Variants in PATJ observed in about 807,000 individuals in gnomAD.
The protein encoded by PATJ is inaD-like protein.
In PATJ, 190 loss-of-function variants were observed where a neutral mutation model predicts 224.9. The ratio of observed to expected loss-of-function variants is 0.84; its 90% CI spans 0.75 to 0.95. PATJ has a LOEUF of 0.95. Ranked by LOEUF, PATJ falls within the 40% of genes least tolerant of loss-of-function variation. The pLI, the probability that PATJ is intolerant of heterozygous loss-of-function variation, is 0.00. For synonymous variants in PATJ, 769 were observed against 820.3 expected, an observed-to-expected ratio of 0.94 and a Z score of 1.07; for missense variants, 2,121 against 2,270.3, an observed-to-expected ratio of 0.93 and a Z score of 1.34.
chr1:62,013,708 TGG>T, intron 28 of PATJ, among the ~76,000 whole-genome samples: 1 of 152,196 alleles, frequency 6.6e-6, no homozygotes, highest in South Asian at 2.1e-4. Flanking sequence ...CTGAACACAG[TGG>T]GGAAGACATA....
In PATJ at chr1:61,914,644, AC is replaced by A; in HGVS notation, c.3553del (p.Gln1185LysfsTer15). The A allele has an allele frequency of 6.3e-7, 1 of 1,577,816 alleles. No individual in the cohort carries two copies. Among genetic ancestry groups the A allele is most frequent in the Non-Finnish European group, 8.7e-7 (1 of 1,147,750 alleles). On this transcript the variant is annotated frameshift_variant, in exon 26 of 44. Transcript: ENST00000642238. LOFTEE classifies it high-confidence loss of function. ...AATCACCGGTAACCAGAACCAGGAC[AC>A]CCAAGAAAAGAAAGAAAAGGTAACT... ...NKITGNQNQDTQEKKEKRQGT... is the reference protein window; with the variant it reads ...NKITGNQNQDXQEKKEKRQGT...
chr1:61,916,224 T>C (rs1419541330), intron 26 of PATJ, among the ~76,000 whole-genome samples: 1 of 152,128 alleles, frequency 6.6e-6, no homozygotes. Context: ...AAAATAAAAA[T>C]ATAAACCTAC....
intron 22 of PATJ, among the ~76,000 whole-genome samples, chr1:61,897,016 C>G (rs1670470474): frequency 6.6e-6 from 1 of 151,824 alleles, no homozygotes; most frequent in Non-Finnish European, 1.5e-5. Flanking sequence ...ATTGAGATAG[C>G]AGATAAATTA....
At chr1:61,826,276 C>G (rs1468543182) in intron 15 of PATJ, among the ~76,000 whole-genome samples, 1 of 151,948 alleles carries the variant, frequency 6.6e-6, no homozygotes, top group Non-Finnish European at 1.5e-5. Flanking sequence ...TCCAGCAACC[C>G]AGTGTCCTCT....
At chr1:61,796,741 T>TTTC (rs373367263) in intron 10 of PATJ, among the ~76,000 whole-genome samples, 460 of 45,738 alleles carry the variant, frequency 0.01, 2 homozygotes, top group African/African-American at 0.023. Context: ...TCTTTCTTTC[T>TTTC]TTTTTTTCTT....
rs111482881 is a variant in PATJ, at chr1:61,815,081, G to A, written c.1683+6551G>A. On this transcript the variant is annotated intron_variant, in intron 14 of 43. Coordinates refer to ENST00000642238, the MANE Select transcript of PATJ (RefSeq NM_001350145.3). ...ATAGTTGTAGATTGTAAGAAGTGCTGCAAATGAATAAACAGTAAATTGAGC... is the reference window on the plus strand; with the variant it reads ...ATAGTTGTAGATTGTAAGAAGTGCTACAAATGAATAAACAGTAAATTGAGC... 2.6e-3 allele frequency among the ~76,000 whole-genome samples: 399 copies of A among 152,298 alleles called. 4 individuals are homozygous for A. The highest frequency in any genetic ancestry group is 9.0e-3 in the African/African-American group (374 of 41,566).
chr1:62,126,817 AAGG>A (rs1463630928), intron 39 of PATJ, among the ~76,000 whole-genome samples: 1 of 151,796 alleles, frequency 6.6e-6, no homozygotes, highest in African/African-American at 2.4e-5. Context: ...CCACTAAACT[AAGG>A]AGCTGCATAG....
chr1:62,155,938 G>A (rs1206684783), intron 43 of PATJ, among the ~76,000 whole-genome samples: 1 of 149,254 alleles, frequency 6.7e-6, no homozygotes, highest in Non-Finnish European at 1.5e-5. Flanking sequence ...GGCGCCTGTA[G>A]TCCCAGCTAC....
chr1:61,834,661 A>G (rs1483192917), intron 17 of PATJ, among the ~76,000 whole-genome samples: 1 of 152,256 alleles, frequency 6.6e-6, no homozygotes, highest in Non-Finnish European at 1.5e-5. Flanking sequence ...GTGATATTTA[A>G]AAATCAATTC....
intron 27 of PATJ, among the ~76,000 whole-genome samples, chr1:61,952,670 C>G (rs1320127208): frequency 1.3e-5 from 2 of 152,210 alleles, no homozygotes; most frequent in Non-Finnish European, 2.9e-5. Flanking sequence ...TTTAATCAGA[C>G]TGTCAAAGAT....
chr1:62,068,781 C>T (rs1040195078), intron 31 of PATJ, among the ~76,000 whole-genome samples: 94 of 152,336 alleles, frequency 6.2e-4, no homozygotes, highest in African/African-American at 2.2e-3. Flanking sequence ...GCCCACAAAG[C>T]ATTTTCTTTC....
chr1:61,931,069 C>T lies in PATJ; in HGVS notation c.3670+3240C>T, dbSNP rs147785248. 3.1e-4 allele frequency among the ~76,000 whole-genome samples: 47 copies of T among 152,252 alleles called. 1 individual carries two copies. In the East Asian group the frequency reaches 8.3e-3, roughly 27 times the overall value. ...TTGCCCAGTCTGGTCTCAAACTCCT[C>T]GGCTCAAACTATCCTTCCCAAAGTG... is the stretch of plus-strand genomic sequence containing the variant. On this transcript the variant is annotated intron_variant, in intron 27 of 43. Transcript: ENST00000642238.
Position 62,115,339 on chromosome 1 carries a change from A to T in PATJ, c.4655+1093A>T, listed in dbSNP as rs1310390202. ...AATAAATAAATAAATAAAAAGAGGTATATGTTGCCTAGGCCAGGCATAGTG... is the reference window on the plus strand; with the variant it reads ...AATAAATAAATAAATAAAAAGAGGTTTATGTTGCCTAGGCCAGGCATAGTG... On this transcript the variant is annotated intron_variant, in intron 35 of 43. Coordinates refer to ENST00000642238, the MANE Select transcript of PATJ (RefSeq NM_001350145.3). Among the ~76,000 whole-genome samples, 6 of 152,052 alleles carry T rather than the reference A, an allele frequency of 3.9e-5. No homozygotes were observed. In the East Asian group the frequency reaches 1.2e-3, roughly 29 times the overall value.
chr1:62,161,174 C>A lies in PATJ; in HGVS notation c.*120C>A. ...TGCACCTTCATTCTTATTTCTTGCC[C>A]TCTCTGCTCAGGAGAAATGGCTGAG... On this transcript the variant is annotated 3_prime_UTR_variant, in exon 44 of 44. Transcript: ENST00000642238. The A allele has an allele frequency of 1.3e-6, 1 of 745,920 alleles. No homozygotes were observed. Among genetic ancestry groups the A allele is most frequent in the Non-Finnish European group, 1.9e-6 (1 of 521,792 alleles). 46.2% of individuals were successfully genotyped at this position (745,920 alleles called of 1,614,324 possible).
rs1403318371 is a variant in PATJ at position 62,084,544 on chromosome 1, C to A, written c.4273C>A (p.Pro1425Thr). 1 of 1,612,754 alleles carries A rather than the reference C, an allele frequency of 6.2e-7. No individual in the cohort carries two copies. Among genetic ancestry groups the A allele is most frequent in the Non-Finnish European group, 8.5e-7 (1 of 1,179,570 alleles). The change falls in exon 33 of 44, where the codon CCC becomes ACC. Residue 1425 changes from proline (P) to threonine (T), a missense_variant. By Grantham distance (38) the Pro-to-Thr change is conservative (BLOSUM62 -1). Coordinates refer to ENST00000642238, the MANE Select transcript of PATJ (RefSeq NM_001350145.3). ...TTTCCAGGCTCCTCTGTCAGTGGAC[C>A]CCGCAACGTGTCCCATTGTCCCTGG... ...GGFQAPLSVD[P>T]ATCPIVPGQE...
chr1:61,878,064 G>A (rs185017839), intron 21 of PATJ, among the ~76,000 whole-genome samples: 8 of 152,342 alleles, frequency 5.3e-5, no homozygotes, highest in African/African-American at 1.9e-4. Context: ...TTTGTGTGGA[G>A]CAATTCATGA....
intron 18 of PATJ, among the ~76,000 whole-genome samples, chr1:61,861,083 G>C (rs1402644155): frequency 2.0e-5 from 3 of 150,920 alleles, no homozygotes; most frequent in South Asian, 4.2e-4. Flanking sequence ...ATATATACAA[G>C]GTCTATTCCT....
intron 31 of PATJ, among the ~76,000 whole-genome samples, chr1:62,060,619 G>C (rs1295242005): frequency 6.6e-6 from 1 of 152,112 alleles, no homozygotes; most frequent in Non-Finnish European, 1.5e-5. Flanking sequence ...GTGAAAATAG[G>C]GTGGTGGTAG....
chr1:61,947,109 T>C lies in PATJ; in HGVS notation c.3670+19280T>C, dbSNP rs1678852393. On this transcript the variant is annotated intron_variant, in intron 27 of 43. Transcript: ENST00000642238. ...ATTTATGACAAACCCACAGCCAACA[T>C]CGTACTGAATGGGCAAAAACTGGAA... Among the ~76,000 whole-genome samples the C allele has an allele frequency of 1.3e-5, 2 of 152,236 alleles. 1 individual carries two copies. The highest frequency in any genetic ancestry group is 4.2e-4 in the South Asian group (2 of 4,814).
Sources: gnomAD v4.1 joint callset for allele counts (sites outside exome capture counted in the v4.1 genomes callset) on GRCh38, gnomAD v4.1.1 for gene constraint, MANE v1.5 for transcripts, NCBI Gene and HGNC (gene_info 2026-07-23, HGNC 2026-07-21) for gene names.